Variants in CSGALNACT1 observed in about 807,000 individuals in gnomAD.
The protein encoded by CSGALNACT1 is beta4GalNAcT-1.
Under a neutral mutation model 51.0 loss-of-function variants are expected in CSGALNACT1, and 52 were observed. The ratio of observed to expected loss-of-function variants is 1.02; its 90% CI spans 0.82 to 1.29. CSGALNACT1 has a LOEUF of 1.29. Among genes scored for constraint, CSGALNACT1 ranks in the 50% most tolerant of loss-of-function variants. CSGALNACT1 has a pLI of 0.00. For missense variants in CSGALNACT1, 935 were observed against 679.2 expected (o/e 1.38, Z -4.19); for synonymous variants, 341 against 254.4 (o/e 1.34, Z -3.24).
intron 1 of CSGALNACT1, among the ~76,000 whole-genome samples, chr8:19,655,277 G>A (rs180726008): frequency 1.3e-5 from 2 of 152,236 alleles, no homozygotes; most frequent in East Asian, 3.9e-4. Context: ...GACACGGTAT[G>A]CCATCACTCA....
chr8:19,714,742 G>T (rs916027633), intron 1 of CSGALNACT1, among the ~76,000 whole-genome samples: 3 of 143,092 alleles, frequency 2.1e-5, no homozygotes, highest in South Asian at 2.4e-4. Context: ...TGACTGCTTT[G>T]TCTCCTGGGA....
At chr8:19,476,888 C>A (rs1332815638) in intron 4 of CSGALNACT1, among the ~76,000 whole-genome samples, 2 of 152,172 alleles carry the variant, frequency 1.3e-5, no homozygotes, top group African/African-American at 2.4e-5. Flanking sequence ...GACTCACTCC[C>A]CTCAAGACTT....
chr8:19,524,778 G>A (rs73587313), intron 3 of CSGALNACT1, among the ~76,000 whole-genome samples: 179 of 152,276 alleles, frequency 1.2e-3, no homozygotes, highest in African/African-American at 3.9e-3. Flanking sequence ...CCCCCAAGAT[G>A]TTTATTTCCA....
At chr8:19,718,053 G>T (rs911247670) in intron 1 of CSGALNACT1, among the ~76,000 whole-genome samples, 3 of 152,128 alleles carry the variant, frequency 2.0e-5, no homozygotes, top group Non-Finnish European at 4.4e-5. Context: ...TCTCCTTGGG[G>T]CCCAGAGTCC....
chr8:19,601,889 G>T (rs1268416822), intron 1 of CSGALNACT1, 24 bp from the exon 2 acceptor site: 1 of 453,738 alleles, frequency 2.2e-6, no homozygotes, highest in South Asian at 1.6e-5. Context: ...AAAACAAAAG[G>T]CAACCCTTGT....
At chr8:19,701,539 A>G (rs1336034177) in intron 1 of CSGALNACT1, among the ~76,000 whole-genome samples, 1 of 152,142 alleles carries the variant, frequency 6.6e-6, no homozygotes, top group African/African-American at 2.4e-5. Context: ...TAACCCTTGG[A>G]GTTTAAGACC....
intron 1 of CSGALNACT1, among the ~76,000 whole-genome samples, chr8:19,718,651 T>C (rs1367296872): frequency 6.6e-6 from 1 of 152,184 alleles, no homozygotes; most frequent in Non-Finnish European, 1.5e-5. Flanking sequence ...ATTGCTTTGA[T>C]CATGTCACTT....
chr8:19,594,154 G>A (rs753574650), intron 2 of CSGALNACT1, among the ~76,000 whole-genome samples: 8 of 152,164 alleles, frequency 5.3e-5, no homozygotes, highest in Non-Finnish European at 1.2e-4. Context: ...ACAGGTGAAA[G>A]AGAATGAGAA....
chr8:19,440,432 T>C (rs1156897580), intron 5 of CSGALNACT1, among the ~76,000 whole-genome samples: 3 of 151,466 alleles, frequency 2.0e-5, no homozygotes, highest in African/African-American at 7.3e-5. Flanking sequence ...TCAATAAATG[T>C]AATCCAGCAT....
chr8:19,419,448 T>G (rs758660286), intron 7 of CSGALNACT1, among the ~76,000 whole-genome samples: 4 of 152,196 alleles, frequency 2.6e-5, no homozygotes, highest in African/African-American at 9.6e-5. Flanking sequence ...ACTTAGAGTG[T>G]CCAGGGTGGT....
intron 3 of CSGALNACT1, among the ~76,000 whole-genome samples, chr8:19,561,018 A>G (rs1433577796): frequency 6.6e-6 from 1 of 152,248 alleles, no homozygotes; most frequent in African/African-American, 2.4e-5. Context: ...CTAATATAGA[A>G]CAAAGCAGCA....
intron 1 of CSGALNACT1, among the ~76,000 whole-genome samples, chr8:19,666,947 G>C (rs1202473835): frequency 6.6e-5 from 1 of 15,090 alleles, no homozygotes; most frequent in South Asian, 2.5e-3. Context: ...GAGAGAAAAA[G>C]AAAGAAAGAA....
chr8:19,676,973 C>G (rs2060239649), intron 1 of CSGALNACT1, among the ~76,000 whole-genome samples: 1 of 152,132 alleles, frequency 6.6e-6, no homozygotes, highest in Admixed American at 6.5e-5. Flanking sequence ...TTGACAAGAC[C>G]AGTCTCGTAG....
intron 3 of CSGALNACT1, among the ~76,000 whole-genome samples, chr8:19,516,674 A>G (rs747921926): frequency 1.3e-5 from 2 of 152,142 alleles, no homozygotes; most frequent in Non-Finnish European, 2.9e-5. Flanking sequence ...CGCAACATTC[A>G]AGTGTTTCTA....
At chr8:19,676,328 C>T (rs2060188361) in intron 1 of CSGALNACT1, among the ~76,000 whole-genome samples, 1 of 152,098 alleles carries the variant, frequency 6.6e-6, no homozygotes, top group Non-Finnish European at 1.5e-5. Flanking sequence ...AAGGCAAATG[C>T]TCTTGAAATA....
At chr8:19,468,106 C>T (rs2067138600) in intron 4 of CSGALNACT1, among the ~76,000 whole-genome samples, 1 of 152,124 alleles carries the variant, frequency 6.6e-6, no homozygotes, top group Non-Finnish European at 1.5e-5. Context: ...ACAGAGTCTG[C>T]CCATGGTATA....
At chr8:19,531,791 C>T (rs2082818120) in intron 3 of CSGALNACT1, 1 of 152,208 alleles carries the variant, frequency 6.6e-6, no homozygotes, top group African/African-American at 2.4e-5. Context: ...AGCACACCAC[C>T]CATCATAGCC....
At chr8:19,624,263 C>T (rs536969642) in intron 1 of CSGALNACT1, among the ~76,000 whole-genome samples, 23 of 152,120 alleles carry the variant, frequency 1.5e-4, no homozygotes, top group Non-Finnish European at 2.9e-4. Flanking sequence ...AGAGACCTGC[C>T]TCTGATGTTT....
intron 1 of CSGALNACT1, among the ~76,000 whole-genome samples, chr8:19,628,016 C>A (rs575096291): frequency 1.3e-5 from 2 of 152,080 alleles, no homozygotes; most frequent in South Asian, 2.1e-4. Context: ...CAACTTCTTG[C>A]GAGTCTAAAA....
Sources: gnomAD v4.1 joint callset for allele counts (sites outside exome capture counted in the v4.1 genomes callset) on GRCh38, gnomAD v4.1.1 for gene constraint, MANE v1.5 for transcripts, NCBI Gene and HGNC (gene_info 2026-07-23, HGNC 2026-07-21) for gene names.